Variants in CROCC2 observed in about 807,000 individuals in gnomAD.
The protein encoded by CROCC2 is ciliary rootlet coiled-coil, rootletin family member 2, also known as ciliary rootlet coiled-coil protein 2.
CROCC2 carries 163 observed loss-of-function variants against 177.6 expected under a neutral mutation model. The ratio of observed to expected loss-of-function variants is 0.92; its 90% CI spans 0.81 to 1.05. The LOEUF (loss-of-function observed/expected upper bound fraction) is 1.05. CROCC2 is among the 50% of genes least tolerant of loss of function. CROCC2 has a pLI of 0.00. For synonymous variants in CROCC2, 904 were observed against 787.3 expected (o/e 1.15, Z -2.48); for missense variants, 1,929 against 1,797.8 (o/e 1.07, Z -1.32).
chr2:240,949,275 G>A lies in CROCC2; in HGVS notation c.2482+178G>A. ...GGGCCACCCTCGCCCATGAGGAGCA[G>A]CAACACCCTGCCCAGGCTGCACCTG... is the stretch of plus-strand genomic sequence containing the variant. On this transcript the variant is annotated intron_variant, in intron 16 of 31. Transcript: ENST00000690015. This position sits in a 1 kb window ranked among gnomAD's most constrained non-coding sequence, Gnocchi z 4.5. The A allele has an allele frequency of 3.6e-6, 3 of 841,204 alleles. No individual in the cohort carries two copies. The highest frequency in any genetic ancestry group is 4.3e-6 in the Non-Finnish European group (3 of 698,140). The allele number at this position is 841,204 out of a possible 1,614,324, so 52.1% of individuals were successfully genotyped here. A position where few individuals can be genotyped will look rare whatever the true frequency, so the allele number is the denominator to read the frequency against.
intron 28 of CROCC2, among the ~76,000 whole-genome samples, chr2:240,983,964 T>C (rs1559191970): frequency 6.6e-6 from 1 of 152,104 alleles, no homozygotes; most frequent in Admixed American, 6.5e-5. Context: ...TGGGCCAGCC[T>C]GTGCAGGTGC....
chr2:240,921,958 C>T (rs2059359627), intron 3 of CROCC2, among the ~76,000 whole-genome samples: 1 of 152,234 alleles, frequency 6.6e-6, no homozygotes, highest in Non-Finnish European at 1.5e-5. Flanking sequence ...AGTGGGCCCA[C>T]ATCATGGTGG....
chr2:240,972,970 C>T lies in CROCC2; in HGVS notation c.4401+4708C>T, dbSNP rs1194352495. Among the ~76,000 whole-genome samples the T allele has an allele frequency of 6.6e-6, 1 of 152,084 alleles. No individual in the cohort carries two copies. ...GCCAGCCAGGGGGCTGGGAACATAGCCATGCTCCCTGCTGCCCCATGCCCC... is the reference window on the plus strand; with the variant it reads ...GCCAGCCAGGGGGCTGGGAACATAGTCATGCTCCCTGCTGCCCCATGCCCC... On this transcript the variant is annotated intron_variant, in intron 27 of 31. Coordinates refer to ENST00000690015, the MANE Select transcript of CROCC2 (RefSeq NM_001351305.2). The surrounding 1 kb of genome is among the most constrained non-coding windows in gnomAD (Gnocchi z 7.1).
In CROCC2 at chr2:240,949,676, G is replaced by A. The variant is rs1289350433; in HGVS notation, c.2626G>A (p.Ala876Thr). The change falls in exon 17 of 32, where the codon GCC becomes ACC. Residue 876 changes from alanine (A) to threonine (T), a missense_variant. Ala to Thr is a moderately conservative substitution (Grantham distance 58). Around this residue, in one of 3 missense-constraint regions of CROCC2, gnomAD observed 1,397 missense variants for 1,239.9 expected, o/e 1.13. Coordinates refer to ENST00000690015, the MANE Select transcript of CROCC2 (RefSeq NM_001351305.2). The surrounding 1 kb of genome is among the most constrained non-coding windows in gnomAD (Gnocchi z 4.5). ...LESQALAHRE[A>T]LAQLQREKET... ...GAGCCAGGCGTTGGCCCACCGAGAG[G>A]CCCTGGCACAGCTCCAAAGGGAGAA... 4.5e-6 allele frequency: 7 copies of A among 1,548,474 alleles called. No homozygotes were observed. The highest frequency in any genetic ancestry group is 5.2e-6 in the Non-Finnish European group (6 of 1,146,180).
At position 240,949,086 on chromosome 2, in the gene CROCC2, A is replaced by G; in HGVS notation, c.2471A>G (p.Gln824Arg). The G allele has an allele frequency of 6.5e-7, 1 of 1,540,832 alleles. No individual in the cohort carries two copies. The highest frequency in any genetic ancestry group is 2.4e-5 in the East Asian group (1 of 40,852). The change falls in exon 16 of 32, where the codon CAG (glutamine) becomes CGG (arginine). Residue 824 changes from glutamine (Q) to arginine (R), a missense_variant. Gln to Arg is a conservative substitution (Grantham distance 43, BLOSUM62 1). Around this residue, in one of 3 missense-constraint regions of CROCC2, gnomAD observed 1,397 missense variants for 1,239.9 expected, o/e 1.13. Coordinates refer to ENST00000690015, the MANE Select transcript of CROCC2 (RefSeq NM_001351305.2). The surrounding 1 kb of genome is among the most constrained non-coding windows in gnomAD (Gnocchi z 4.5). The part of the protein sequence containing the change: ...EEARSAGLAR[Q>R]ALQVEMEQLQ... ...GCCCGGAGCGCAGGACTCGCGCGGC[A>G]GGCCTTGCAAGGTGCTCCAAGGGCG...
At chr2:240,931,206 G>A in intron 7 of CROCC2, 78 bp downstream of exon 7, 1 of 639,906 alleles carries the variant, frequency 1.6e-6, no homozygotes, top group Non-Finnish European at 2.9e-6. Flanking sequence ...GAGCAGCTGT[G>A]GATCCCAGAT....
chr2:240,916,771 G>T (rs951319644), intron 1 of CROCC2, among the ~76,000 whole-genome samples: 2 of 152,258 alleles, frequency 1.3e-5, no homozygotes, highest in Non-Finnish European at 2.9e-5. Context: ...TGCTGAGCAG[G>T]CGGAGGGAGG....
chr2:240,988,459 G>C (rs541500818), intron 28 of CROCC2, among the ~76,000 whole-genome samples: 2 of 152,300 alleles, frequency 1.3e-5, no homozygotes, highest in East Asian at 3.9e-4. Context: ...GATGTAGGGA[G>C]TCCCCCATTG....
intron 14 of CROCC2, among the ~76,000 whole-genome samples, chr2:240,941,967 T>C (rs2059497525): frequency 6.6e-6 from 1 of 152,216 alleles, no homozygotes; most frequent in Non-Finnish European, 1.5e-5. Context: ...CATGTGAAGG[T>C]GCAGCATTCT....
chr2:240,987,692 G>T (rs1431547876), intron 28 of CROCC2, among the ~76,000 whole-genome samples: 1 of 152,250 alleles, frequency 6.6e-6, no homozygotes, highest in East Asian at 1.9e-4. Context: ...CTGGGCCAGG[G>T]CCAGCACCCG....
chr2:240,988,885 T>TGGAGC lies in CROCC2; in HGVS notation c.4683+16_4683+20dup. ...AGCAGCTGCAGGTCAACTGGGCCAG[T>TGGAGC]GGAGCTCTGCATACCCCAGGCCTGG... On this transcript the variant is annotated intron_variant, in intron 29 of 31. Coordinates refer to ENST00000690015, the MANE Select transcript of CROCC2 (RefSeq NM_001351305.2). 6.9e-7 allele frequency: 1 copy of TGGAGC among 1,445,708 alleles called. No individual in the cohort carries two copies. The highest frequency in any genetic ancestry group is 9.2e-7 in the Non-Finnish European group (1 of 1,089,122). The allele number at this position is 1,445,708 out of a possible 1,614,324, so 89.6% of individuals were successfully genotyped here.
Position 240,963,727 on chromosome 2 carries a change from A to G in CROCC2, c.3259A>G (p.Ser1087Gly). ...REKDVLLLFNSELRATICRAE... is the reference protein window; with the variant it reads ...REKDVLLLFNGELRATICRAE... ...GAAGGACGTACTGTTGCTTTTCAAC[A>G]GCGAGCTGCGGGCCACCATCTGCAG... The change falls in exon 21 of 32, where the codon AGC becomes GGC. Residue 1087 changes from serine (S) to glycine (G), a missense_variant. Ser to Gly is a moderately conservative substitution (Grantham distance 56). Transcript: ENST00000690015. The G allele has an allele frequency of 1.3e-6, 2 of 1,550,230 alleles. No homozygotes were observed. Among genetic ancestry groups the G allele is most frequent in the Non-Finnish European group, 1.7e-6 (2 of 1,146,798 alleles).
In CROCC2 at chr2:240,946,117, G is replaced by A; in HGVS notation, c.2227G>A (p.Glu743Lys). 1 of 1,541,690 alleles carries A rather than the reference G, an allele frequency of 6.5e-7. No individual in the cohort carries two copies. ...EQLAQSLQDQ[E>K]AQMGTLQQAL... Reference sequence around the variant, plus strand: ...GCTGGCTCAGAGCCTGCAGGACCAGGAGGCCCAGATGGGCACTCTGCAGCA... The same window carrying A: ...GCTGGCTCAGAGCCTGCAGGACCAGAAGGCCCAGATGGGCACTCTGCAGCA... Residue 743 changes from glutamate (E) to lysine (K), a missense_variant, in exon 15 of 32, where the codon GAG becomes AAG. Coordinates refer to ENST00000690015, the MANE Select transcript of CROCC2 (RefSeq NM_001351305.2).
chr2:240,922,092 T>G (rs1214577660), intron 3 of CROCC2, among the ~76,000 whole-genome samples: 1 of 152,158 alleles, frequency 6.6e-6, no homozygotes, highest in African/African-American at 2.4e-5. Context: ...ATCCTGCCCC[T>G]GTGTGCCTGA....
At chr2:240,959,581 G>A (rs902422161) in intron 20 of CROCC2, 137 bp downstream of exon 20, 2 of 1,186,478 alleles carry the variant, frequency 1.7e-6, no homozygotes, top group African/African-American at 3.1e-5. Flanking sequence ...TAGTCCCTGG[G>A]ACTAGGAAGA....
chr2:240,982,640 A>G lies in CROCC2; in HGVS notation c.4402-240A>G. 1 of 459,284 alleles carries G rather than the reference A, an allele frequency of 2.2e-6. No homozygotes were observed. The highest frequency in any genetic ancestry group is 3.9e-6 in the Non-Finnish European group (1 of 259,198). 28.5% of individuals were successfully genotyped at this position (459,284 alleles called of 1,614,324 possible). ...AAGCCCAAGTCTTTGCCCACGCTAG[A>G]CCAGACCCCCAGGACTTTCGTCTCA... On this transcript the variant is annotated intron_variant, in intron 27 of 31. Transcript: ENST00000690015. This position sits in a 1 kb window ranked among gnomAD's most constrained non-coding sequence, Gnocchi z 4.7.
At chr2:240,988,647 CCCA>C in intron 28 of CROCC2, 89 bp from the exon 29 acceptor site, 1 of 1,253,586 alleles carries the variant, frequency 8.0e-7, no homozygotes, top group Non-Finnish European at 1.0e-6. Context: ...CAGAGTCCTT[CCCA>C]GAGGCAACCC....
chr2:240,921,382 A>G (rs1337443475), intron 3 of CROCC2, among the ~76,000 whole-genome samples: 1 of 152,222 alleles, frequency 6.6e-6, no homozygotes, highest in Non-Finnish European at 1.5e-5. Context: ...GGGCCCCAGC[A>G]CATCCGTGAG....
chr2:240,958,998 G>A lies in CROCC2; in HGVS notation c.2944-303G>A. 2 of 293,666 alleles carry A rather than the reference G, an allele frequency of 6.8e-6. No individual in the cohort carries two copies. Among genetic ancestry groups the A allele is most frequent in the East Asian group, 1.4e-4 (2 of 14,216 alleles). 18.2% of individuals were successfully genotyped at this position (293,666 alleles called of 1,614,324 possible). A position where few individuals can be genotyped will look rare whatever the true frequency, so the allele number is the denominator to read the frequency against. The stretch of plus-strand genomic sequence containing the variant: ...GGGTAGAGCTGCCCAGTGTGTGGTG[G>A]TCCCTGTAGGGATGGGCCCTGCCCC... On this transcript the variant is annotated intron_variant, in intron 19 of 31. Transcript: ENST00000690015. The surrounding 1 kb of genome is among the most constrained non-coding windows in gnomAD (Gnocchi z 6.7).
Sources: gnomAD v4.1 joint callset for allele counts (sites outside exome capture counted in the v4.1 genomes callset) on GRCh38, gnomAD v4.1.1 for gene constraint, gnomAD v4.1.1 regional missense constraint, Gnocchi (gnomAD v3.1) non-coding constraint, MANE v1.5 for transcripts, NCBI Gene and HGNC (gene_info 2026-07-23, HGNC 2026-07-21) for gene names.